The following TRIM64C variants were observed in gnomAD, a reference collection of about 807,000 sequenced individuals.
TRIM64C encodes the protein tripartite motif containing 64C.
TRIM64C carries 25 observed loss-of-function variants against 36.1 expected under a neutral mutation model. The ratio of observed to expected loss-of-function variants is 0.69; its 90% confidence interval spans 0.51 to 0.97. TRIM64C has a LOEUF of 0.97. Among genes scored for constraint, TRIM64C ranks in the 50% least tolerant of loss-of-function variants. The pLI is 0.00. For synonymous variants in TRIM64C, 212 were observed against 185.7 expected, an observed-to-expected ratio of 1.14 and a Z score of -1.15; for missense variants, 489 against 536.8, an observed-to-expected ratio of 0.91 and a Z score of 0.88.
At chr11:49,054,573 G>T (rs2134719011) in intron 5 of TRIM64C, among the ~76,000 whole-genome samples, 1 of 152,158 alleles carries the variant, frequency 6.6e-6, no homozygotes, top group East Asian at 1.9e-4. Flanking sequence ...TTGCTGTGAT[G>T]TGAGTATTTA....
intron 5 of TRIM64C, 101 bp from the exon 6 acceptor site, chr11:49,054,308 A>C (rs1854787848): frequency 7.2e-7 from 1 of 1,379,480 alleles, no homozygotes. Flanking sequence ...GAAATACAGA[A>C]AAAAGGAAAC....
At chr11:49,055,518 T>A (rs1854803158) in intron 4 of TRIM64C, 111 bp from the exon 5 acceptor site, 1 of 1,405,004 alleles carries the variant, frequency 7.1e-7, no homozygotes, top group Non-Finnish European at 9.6e-7. Flanking sequence ...TCTGCCGGTT[T>A]TGGTTAACTG....
At chr11:49,058,257 G>T in intron 1 of TRIM64C, 85 bp from the exon 2 acceptor site, 1 of 971,576 alleles carries the variant, frequency 1.0e-6, no homozygotes, top group Non-Finnish European at 1.5e-6. Context: ...GTAATTGAAA[G>T]AAACATAAAT....
intron 4 of TRIM64C, among the ~76,000 whole-genome samples, 188 bp downstream of exon 4, chr11:49,056,171 A>G (rs1234382313): frequency 6.6e-6 from 1 of 151,732 alleles, no homozygotes; most frequent in Non-Finnish European, 1.5e-5. Flanking sequence ...TTTTACATAT[A>G]TTTTAATTCA....
Position 49,057,185 on chromosome 11 carries a change from C to T in TRIM64C, c.701G>A (p.Trp234Ter), listed in dbSNP as rs960646642. 8 of 1,549,372 alleles carry T rather than the reference C, an allele frequency of 5.2e-6. No homozygotes were observed. In the South Asian group the frequency reaches 7.1e-5, roughly 14 times the overall value. Reference sequence around the variant, plus strand: ...CACGTCAGGCATGTGGTATGTCTCCCACAGCTCTCTGTACATGTCTTTCAT... The same window carrying T: ...CACGTCAGGCATGTGGTATGTCTCCTACAGCTCTCTGTACATGTCTTTCAT... ...EGMKDMYREL[W>*]ETYHMPDVEL... is the part of the protein sequence containing the mutation. Residue 234 changes from tryptophan (W) to a stop codon, truncating the protein, a stop_gained, in exon 3 of 6, where the codon TGG becomes TAG. Coordinates refer to ENST00000617704, the MANE Select transcript of TRIM64C (RefSeq NM_001206631.1). LOFTEE classifies it high-confidence loss of function.
At position 49,058,815 on chromosome 11, in the gene TRIM64C, C is replaced by T. The variant is rs1021331885; in HGVS notation, c.298G>A (p.Glu100Lys). ...NICVLHEETK[E>K]LFCEADKRLL... ...CTCTTGTCAGCCTCACAGAAGAGCT[C>T]CTTAGTCTCCTCATGGAGCACACAG... The change falls in exon 1 of 6, where the codon GAG (glutamate) becomes AAG (lysine). Residue 100 changes from glutamate (E) to lysine (K), a missense_variant. By Grantham distance (56) the Glu-to-Lys change is moderately conservative. Transcript: ENST00000617704. 1 of 1,549,202 alleles carries T rather than the reference C, an allele frequency of 6.5e-7. No homozygotes were observed. The highest frequency in any genetic ancestry group is 2.4e-5 in the East Asian group (1 of 40,902).
rs1854826288 is a variant in TRIM64C at position 49,057,394 on chromosome 11, G to T, written c.508-16C>A. Reference sequence around the variant, plus strand: ...ACACATAGTCCTGCAGAGACGTTTGGTTAAAAGGATTACATGTTCTCACTC... The same window carrying T: ...ACACATAGTCCTGCAGAGACGTTTGTTTAAAAGGATTACATGTTCTCACTC... On this transcript the variant is annotated splice_polypyrimidine_tract_variant and intron_variant, in intron 2 of 5. Coordinates refer to ENST00000617704, the MANE Select transcript of TRIM64C (RefSeq NM_001206631.1). The T allele has an allele frequency of 1.9e-6, 3 of 1,548,402 alleles. No individual in the cohort carries two copies. Among genetic ancestry groups the T allele is most frequent in the Non-Finnish European group, 2.6e-6 (3 of 1,146,036 alleles).
Position 49,058,914 on chromosome 11 carries a change from T to G in TRIM64C, c.199A>C (p.Asn67His). Residue 67 changes from asparagine (N) to histidine (H), a missense_variant, in exon 1 of 6, where the codon AAT becomes CAT. Transcript: ENST00000617704. The stretch of plus-strand genomic sequence containing the variant: ...GAAGCCAGCTTTTTGAGTGCCACAT[T>G]GGTGTTGAAGTTGGGCTTCTCTGAG... ...KISEKPNFNT[N>H]VALKKLASLA... 6.4e-7 allele frequency: 1 copy of G among 1,550,934 alleles called. No homozygotes were observed. Among genetic ancestry groups the G allele is most frequent in the Non-Finnish European group, 8.7e-7 (1 of 1,146,906 alleles).
intron 5 of TRIM64C, among the ~76,000 whole-genome samples, chr11:49,055,081 C>T (rs563960164): frequency 6.6e-6 from 1 of 152,294 alleles, no homozygotes; most frequent in East Asian, 1.9e-4. Flanking sequence ...TCCTCTTATT[C>T]TGCAGATAAA....
chr11:49,056,267 A>C (rs1177265968), intron 4 of TRIM64C, 92 bp downstream of exon 4: 13 of 964,696 alleles, frequency 1.3e-5, no homozygotes, highest in Non-Finnish European at 1.9e-5. Flanking sequence ...ATAGCCACTG[A>C]GAATGATGTT....
At chr11:49,058,586 T>G in intron 1 of TRIM64C, 115 bp downstream of exon 1, 1 of 1,492,406 alleles carries the variant, frequency 6.7e-7, no homozygotes, top group Non-Finnish European at 8.9e-7. Flanking sequence ...GTGTTATGAT[T>G]GACATGGAAT....
At position 49,058,612 on chromosome 11, in the gene TRIM64C, T is replaced by C. The variant is rs918061551; in HGVS notation, c.412+89A>G. ...GACATGGAATAATCGCCACCTCCACTATCTGCATTCTCATCACCATCATTA... is the reference window on the plus strand; with the variant it reads ...GACATGGAATAATCGCCACCTCCACCATCTGCATTCTCATCACCATCATTA... On this transcript the variant is annotated intron_variant, in intron 1 of 5. Transcript: ENST00000617704. The C allele has an allele frequency of 2.6e-6, 4 of 1,518,740 alleles. No individual in the cohort carries two copies. The African/African-American group carries it at 4.2e-5, about 16-fold the overall frequency. 94.1% of individuals were successfully genotyped at this position (1,518,740 alleles called of 1,614,324 possible).
chr11:49,056,104 G>C (rs538980570), intron 4 of TRIM64C, among the ~76,000 whole-genome samples: 1 of 148,950 alleles, frequency 6.7e-6, no homozygotes. Flanking sequence ...AGATCTCTGG[G>C]GTAGGGCTGG....
At chr11:49,054,349 G>A (rs1191959166) in intron 5 of TRIM64C, 142 bp from the exon 6 acceptor site, 3 of 910,874 alleles carry the variant, frequency 3.3e-6, no homozygotes, top group Non-Finnish European at 3.3e-6. Context: ...CATCCATGAA[G>A]ATGAAATGTT....
rs1219610256 is a variant in TRIM64C at position 49,055,455 on chromosome 11, T to C, written c.762-48A>G. 10 of 1,531,322 alleles carry C rather than the reference T, an allele frequency of 6.5e-6. No individual in the cohort carries two copies. In the African/African-American group the frequency reaches 1.4e-4, roughly 21 times the overall value. 94.9% of individuals were successfully genotyped at this position (1,531,322 alleles called of 1,614,324 possible). A position where few individuals can be genotyped will look rare whatever the true frequency, so the allele number is the denominator to read the frequency against. ...GTTATATTTCCAGGACCAGAGCTAA[T>C]CACACAGTCATATGAAGATATCATA... On this transcript the variant is annotated intron_variant, in intron 4 of 5. Transcript: ENST00000617704.
At chr11:49,056,779 C>T (rs1854819555) in intron 3 of TRIM64C, among the ~76,000 whole-genome samples, 2 of 151,886 alleles carry the variant, frequency 1.3e-5, no homozygotes, top group East Asian at 1.9e-4. Flanking sequence ...GGGGAAACCC[C>T]TCAATGTCTT....
At chr11:49,057,871 C>G (rs1291853122) in intron 2 of TRIM64C, 1 of 527,826 alleles carries the variant, frequency 1.9e-6, no homozygotes, top group Admixed American at 3.2e-5. Flanking sequence ...GAATACACAT[C>G]ATGCCGTTTA....
intron 4 of TRIM64C, among the ~76,000 whole-genome samples, chr11:49,056,075 T>C (rs1053650940): frequency 4.6e-5 from 7 of 151,730 alleles, no homozygotes; most frequent in African/African-American, 1.7e-4. Flanking sequence ...CTATGATTCC[T>C]CAGAGTAATT....
chr11:49,054,913 C>T (rs1383761945), intron 5 of TRIM64C, among the ~76,000 whole-genome samples: 2 of 152,048 alleles, frequency 1.3e-5, no homozygotes, highest in Non-Finnish European at 2.9e-5. Context: ...ATAAAAATTA[C>T]TTATAGAATG....
Sources: allele counts gnomAD v4.1 joint callset (sites outside exome capture counted in the v4.1 genomes callset), GRCh38; gene constraint gnomAD v4.1.1; transcripts MANE v1.5; gene names NCBI Gene and HGNC (gene_info 2026-07-23, HGNC 2026-07-21).